The following FBXW7 variants were observed in gnomAD, a reference collection of about 807,000 sequenced individuals.
FBXW7 encodes the protein F-box and WD repeat domain containing 7, also known as F-box/WD repeat-containing protein 7.
FBXW7 carries 11 observed loss-of-function variants against 86.3 expected under a neutral mutation model. The observed-to-expected ratio is 0.13, with a 90% CI of 0.08 to 0.21. The LOEUF (loss-of-function observed/expected upper bound fraction) is 0.21, where lower values mean the gene tolerates loss of function less well. FBXW7 is among the 10% of genes least tolerant of loss of function. The probability of loss-of-function intolerance (pLI) is 1.00; values close to 1 mark genes in which losing one functional copy is unlikely to be tolerated. For synonymous variants in FBXW7, 313 were observed against 297.9 expected (o/e 1.05, Z -0.52); for missense variants, 488 against 847.4 (o/e 0.58, Z 5.27).
chr4:152,533,787 TA>T (rs918684550), intron 2 of FBXW7, among the ~76,000 whole-genome samples: 13 of 152,082 alleles, frequency 8.5e-5, no homozygotes, highest in African/African-American at 3.1e-4. Flanking sequence ...CTCATTACTT[TA>T]AAAAAAAGGA....
chr4:152,515,753 C>CTT (rs79255425), intron 2 of FBXW7, among the ~76,000 whole-genome samples: 23 of 129,716 alleles, frequency 1.8e-4, no homozygotes, highest in East Asian at 4.5e-4. Context: ...CCACAACTCT[C>CTT]TTTTTTTTTT....
chr4:152,516,089 G>A (rs547049692), intron 2 of FBXW7, among the ~76,000 whole-genome samples: 81 of 152,266 alleles, frequency 5.3e-4, no homozygotes, highest in African/African-American at 1.5e-3. Context: ...TAGGAGCCCC[G>A]GCTGATTCCT....
intron 2 of FBXW7, among the ~76,000 whole-genome samples, chr4:152,434,333 A>G (rs1291467040): frequency 1.3e-5 from 2 of 152,222 alleles, no homozygotes; most frequent in African/African-American, 4.8e-5. Context: ...GTACCAATTA[A>G]CATCAAAAAG....
chr4:152,383,818 T>C (rs1228462523), intron 4 of FBXW7, among the ~76,000 whole-genome samples: 13 of 152,150 alleles, frequency 8.5e-5, no homozygotes, highest in Non-Finnish European at 1.5e-4. Flanking sequence ...CTTTCTCTTA[T>C]ACCACAATTT....
intron 2 of FBXW7, among the ~76,000 whole-genome samples, chr4:152,477,683 T>C (rs944822219): frequency 1.3e-5 from 2 of 152,188 alleles, no homozygotes; most frequent in African/African-American, 4.8e-5. Flanking sequence ...ATCAGGTCAA[T>C]AACCATCTAC....
At position 152,535,623 on chromosome 4, in the gene FBXW7, C is replaced by A; in HGVS notation, c.-709G>T. On this transcript the variant is annotated 5_prime_UTR_variant, in exon 1 of 14. Transcript: ENST00000281708. The stretch of plus-strand genomic sequence containing the variant: ...ACCCGGCCGGCTCCGCTCGGCGCCG[C>A]CCCCGCTCCCGGCTCCCGCATGTGT... 2.5e-6 allele frequency: 1 copy of A among 397,014 alleles called. No homozygotes were observed. The allele number at this position is 397,014 out of a possible 1,614,324, so 24.6% of individuals were successfully genotyped here. A position where few individuals can be genotyped will look rare whatever the true frequency, so the allele number is the denominator to read the frequency against.
chr4:152,370,634 C>T (rs1733926863), intron 4 of FBXW7, among the ~76,000 whole-genome samples: 1 of 151,868 alleles, frequency 6.6e-6, no homozygotes, highest in African/African-American at 2.4e-5. Flanking sequence ...CTTGGAGGTG[C>T]TACTTTCAAT....
intron 11 of FBXW7, 107 bp from the exon 12 acceptor site, chr4:152,326,338 T>G: frequency 1.5e-6 from 1 of 648,196 alleles, no homozygotes; most frequent in Non-Finnish European, 2.4e-6. Flanking sequence ...TTTTAGCTTT[T>G]TTTTTTTTTT....
intron 2 of FBXW7, among the ~76,000 whole-genome samples, chr4:152,525,136 A>T (rs1749392378): frequency 6.6e-6 from 1 of 151,922 alleles, no homozygotes; most frequent in African/African-American, 2.4e-5. Flanking sequence ...TTACCAATAA[A>T]GAAAAGTATT....
chr4:152,382,799 T>C (rs1361260427), intron 4 of FBXW7, among the ~76,000 whole-genome samples: 1 of 152,192 alleles, frequency 6.6e-6, no homozygotes, highest in East Asian at 1.9e-4. Flanking sequence ...CTTATCCAAA[T>C]GTCAGCATTA....
chr4:152,371,647 G>T (rs1025701114), intron 4 of FBXW7, among the ~76,000 whole-genome samples: 4 of 151,888 alleles, frequency 2.6e-5, no homozygotes, highest in African/African-American at 9.7e-5. Context: ...ATTTAATAAA[G>T]GAGTCTGATG....
chr4:152,432,115 C>T (rs938294778), intron 2 of FBXW7, among the ~76,000 whole-genome samples: 19 of 152,154 alleles, frequency 1.2e-4, no homozygotes, highest in Non-Finnish European at 2.6e-4. Context: ...TTGGTCCTAT[C>T]ATATTCTTCG....
Position 152,356,197 on chromosome 4 carries a change from C to T in FBXW7, c.502-6073G>A, listed in dbSNP as rs570703046. Among the ~76,000 whole-genome samples the T allele has an allele frequency of 2.0e-5, 3 of 152,164 alleles. 1 individual carries two copies. The East Asian group carries it at 5.8e-4, about 29-fold the overall frequency. ...TACATCTTTCTCCCCTATCTCCTCC[C>T]TAAAGATTCACATCTTACTCAAATT... On this transcript the variant is annotated intron_variant, in intron 4 of 13. Coordinates refer to ENST00000281708, the MANE Select transcript of FBXW7 (RefSeq NM_001349798.2).
At chr4:152,501,625 C>A (rs1410942333) in intron 2 of FBXW7, among the ~76,000 whole-genome samples, 1 of 152,146 alleles carries the variant, frequency 6.6e-6, no homozygotes. Context: ...CTGAGCTCCA[C>A]TGAAAATCTT....
At chr4:152,469,385 A>G (rs1042510462) in intron 2 of FBXW7, among the ~76,000 whole-genome samples, 1 of 152,148 alleles carries the variant, frequency 6.6e-6, no homozygotes, top group African/African-American at 2.4e-5. Context: ...CAAAAATAAA[A>G]AAGTAAAAGC....
chr4:152,326,713 A>G (rs1479900123), intron 11 of FBXW7, among the ~76,000 whole-genome samples: 1 of 152,118 alleles, frequency 6.6e-6, no homozygotes, highest in Admixed American at 6.6e-5. Context: ...TTATGAATGC[A>G]TATATTCCCT....
Position 152,485,890 on chromosome 4 carries a change from C to T in FBXW7, c.-120+49051G>A, listed in dbSNP as rs115647827. Among the ~76,000 whole-genome samples the T allele has an allele frequency of 4.1e-3, 627 of 152,240 alleles. 3 individuals carry two copies. The highest frequency in any genetic ancestry group is 7.0e-3 in the Non-Finnish European group (476 of 68,016). On this transcript the variant is annotated intron_variant, in intron 2 of 13. Transcript: ENST00000281708. ...AGTCACCAAAGGATACACAGTCATG[C>T]GTCACATAACCACAGGGATATCTTC...
At chr4:152,347,994 G>A (rs1183859480) in intron 5 of FBXW7, among the ~76,000 whole-genome samples, 1 of 151,982 alleles carries the variant, frequency 6.6e-6, no homozygotes, top group Non-Finnish European at 1.5e-5. Flanking sequence ...AGGAAGGTCT[G>A]GTTTAACAAA....
chr4:152,474,165 G>A (rs192302312), intron 2 of FBXW7, among the ~76,000 whole-genome samples: 149 of 152,242 alleles, frequency 9.8e-4, no homozygotes, highest in African/African-American at 3.4e-3. Context: ...ATAACTTCTA[G>A]TAACATTAAA....
Sources: allele counts gnomAD v4.1 joint callset (sites outside exome capture counted in the v4.1 genomes callset), GRCh38; gene constraint gnomAD v4.1.1; transcripts MANE v1.5; gene names NCBI Gene and HGNC (gene_info 2026-07-23, HGNC 2026-07-21).